The following TFAP2A variants were observed in gnomAD, a reference collection of about 807,000 sequenced individuals.
TFAP2A encodes transcription factor AP-2 alpha.
TFAP2A carries 7 observed loss-of-function variants against 41.5 expected under a neutral mutation model. That is an observed-to-expected ratio of 0.17 (90% CI 0.10 to 0.32). TFAP2A has a LOEUF of 0.32. TFAP2A is among the 10% of genes least tolerant of loss of function. TFAP2A has a pLI of 1.00. For synonymous variants in TFAP2A, 247 were observed against 242.8 expected, an observed-to-expected ratio of 1.02 and a Z score of -0.16; for missense variants, 416 against 563.3, an observed-to-expected ratio of 0.74 and a Z score of 2.65.
In TFAP2A at chr6:10,397,492, T is replaced by C. The variant is rs2763170; in HGVS notation, c.*925A>G. On this transcript the variant is annotated 3_prime_UTR_variant, in exon 7 of 7. Coordinates refer to ENST00000379613, the MANE Select transcript of TFAP2A (RefSeq NM_001372066.1). The stretch of plus-strand genomic sequence containing the variant: ...TTTTATTTTACTTTTTAAAAATTTG[T>C]CCAGCTGTTTGTCACCTTTAACATG... The C allele has an allele frequency of 6.6e-6, 1 of 152,194 alleles. No homozygotes were observed. The highest frequency in any genetic ancestry group is 2.4e-5 in the African/African-American group (1 of 41,534). The allele number at this position is 152,194 out of a possible 1,614,324, so 9.4% of individuals were successfully genotyped here.
At chr6:10,408,013 A>G (rs573333608) in intron 2 of TFAP2A, 1 of 152,370 alleles carries the variant, frequency 6.6e-6, no homozygotes, top group South Asian at 2.1e-4. Flanking sequence ...CCCATAAAGT[A>G]AATGTAGTGT....
chr6:10,414,402 T>G (rs1254171333), intron 1 of TFAP2A, among the ~76,000 whole-genome samples: 1 of 150,612 alleles, frequency 6.6e-6, no homozygotes, highest in East Asian at 1.9e-4. Context: ...CAGCGAAGTG[T>G]GGGGGGGCCG....
chr6:10,419,215 C>T (rs981138143), upstream of TFAP2A, among the ~76,000 whole-genome samples: 39 of 152,200 alleles, frequency 2.6e-4, no homozygotes, highest in Admixed American at 2.4e-3. Flanking sequence ...GCGCGCTTTG[C>T]GCCCAGCACC....
Position 10,398,448 on chromosome 6 carries a change from C to G in TFAP2A, c.1289G>C (p.Ser430Thr). The part of the protein sequence containing the change: ...PNSHTDNNAK[S>T]SDKEEKHRK ...TCTGTGCTTCTCCTCTTTGTCACTG[C>G]TTTTGGCGTTGTTGTCCGTGTGGCT... Residue 430 changes from serine to threonine, a missense_variant, in exon 7 of 7, where the codon AGC (serine) becomes ACC (threonine). By Grantham distance (58) the Ser-to-Thr change is moderately conservative (BLOSUM62 1). This residue lies in a region of TFAP2A where 116 missense variants were observed against 153.8 expected (regional missense o/e 0.75). Coordinates refer to ENST00000379613, the MANE Select transcript of TFAP2A (RefSeq NM_001372066.1). This position sits in a 1 kb window ranked among gnomAD's most constrained non-coding sequence, Gnocchi z 5.3. 6.2e-7 allele frequency: 1 copy of G among 1,614,192 alleles called. No homozygotes were observed. Among genetic ancestry groups the G allele is most frequent in the South Asian group, 1.1e-5 (1 of 91,072 alleles).
intron 3 of TFAP2A, 170 bp from the exon 4 acceptor site, chr6:10,404,909 C>T: frequency 1.5e-6 from 1 of 658,530 alleles, no homozygotes; most frequent in Non-Finnish European, 2.6e-6. Context: ...CTTCCTCGGG[C>T]TCGAGCCCTT....
chr6:10,411,757 G>T, intron 1 of TFAP2A: 1 of 1,485,038 alleles, frequency 6.7e-7, no homozygotes, highest in South Asian at 1.4e-5. Context: ...GAGCGCGGGA[G>T]CCCGGCTCGG....
chr6:10,409,674 A>G (rs1757863144), intron 2 of TFAP2A: 2 of 573,886 alleles, frequency 3.5e-6, no homozygotes, highest in South Asian at 2.1e-5. Context: ...ATGGTAATGC[A>G]GGCATTGTTT....
rs773291481 is a variant in TFAP2A at position 10,398,431 on chromosome 6, TCTC to T, written c.1303_1305del (p.Glu435del). Reference sequence around the variant, plus strand: ...GGAGGAGAGCCTCACTTTCTGTGCTTCTCCTCTTTGTCACTGCTTTTGGCGTTG... The same window carrying T: ...GGAGGAGAGCCTCACTTTCTGTGCTTCTCTTTGTCACTGCTTTTGGCGTTG... On this transcript the variant is annotated inframe_deletion, in exon 7 of 7. Coordinates refer to ENST00000379613, the MANE Select transcript of TFAP2A (RefSeq NM_001372066.1). This position sits in a 1 kb window ranked among gnomAD's most constrained non-coding sequence, Gnocchi z 5.3. 1.5e-5 allele frequency: 24 copies of T among 1,614,170 alleles called. No individual in the cohort carries two copies. Among genetic ancestry groups the T allele is most frequent in the Admixed American group, 1.7e-5 (1 of 60,030 alleles).
chr6:10,405,597 TAGA>T (rs1336487060), intron 3 of TFAP2A: 1 of 149,580 alleles, frequency 6.7e-6, no homozygotes. Context: ...AAAAAAAAAA[TAGA>T]AGACCTGCAG....
intron 1 of TFAP2A, chr6:10,414,704 G>A: frequency 1.5e-6 from 1 of 649,388 alleles, no homozygotes; most frequent in East Asian, 2.8e-5. Context: ...TGGTCAGAAA[G>A]GGGAGTAAAG....
intron 5 of TFAP2A, chr6:10,400,894 T>G (rs967180209): frequency 1.8e-6 from 1 of 561,928 alleles, no homozygotes; most frequent in Non-Finnish European, 3.4e-6. Flanking sequence ...TTAAAATGCT[T>G]CTTGTATTCC....
At chr6:10,409,368 G>A (rs1444169328) in intron 2 of TFAP2A, 1 of 153,836 alleles carries the variant, frequency 6.5e-6, no homozygotes, top group Non-Finnish European at 1.4e-5. Context: ...GCTTGGATTT[G>A]CTACTTAGTT....
At chr6:10,404,476 G>C in intron 4 of TFAP2A, 32 bp downstream of exon 4, 1 of 1,451,224 alleles carries the variant, frequency 6.9e-7, no homozygotes. Context: ...CCGGCCGCGG[G>C]GCGGGGCGGG....
At chr6:10,403,644 C>T (rs1012667792) in intron 4 of TFAP2A, among the ~76,000 whole-genome samples, 4 of 152,016 alleles carry the variant, frequency 2.6e-5, no homozygotes, top group African/African-American at 9.7e-5. Context: ...CAACACAAGC[C>T]CCACAACTCA....
At chr6:10,411,773 T>A in intron 1 of TFAP2A, 1 of 1,464,632 alleles carries the variant, frequency 6.8e-7, no homozygotes, top group Non-Finnish European at 9.0e-7. Context: ...CTCGGATCCA[T>A]CCGAACTTGA....
At chr6:10,399,918 CTCTG>C (rs1406505001) in intron 6 of TFAP2A, among the ~76,000 whole-genome samples, 4 of 149,990 alleles carry the variant, frequency 2.7e-5, no homozygotes, top group African/African-American at 5.0e-5. Context: ...CTCTCTCTCT[CTCTG>C]TCTGTGTGTG....
At chr6:10,407,500 C>CTTTTTTTTTTTT (rs1010909089) in intron 2 of TFAP2A, 1 of 124,164 alleles carries the variant, frequency 8.1e-6, no homozygotes, top group Non-Finnish European at 1.7e-5. Context: ...TTTTTCTTTT[C>CTTTTTTTTTTTT]TTTTTTTTTT....
rs1761827592 is a variant in TFAP2A, at chr6:10,397,727, T to C, written c.*690A>G. The C allele has an allele frequency of 5.5e-6, 2 of 360,936 alleles. No homozygotes were observed. The highest frequency in any genetic ancestry group is 2.2e-5 in the African/African-American group (1 of 44,968). 22.4% of individuals were successfully genotyped at this position (360,936 alleles called of 1,614,324 possible). ...TCCCATTAAATTACACATAAATAAA[T>C]ATATACAGAGACGTGAACACTGATT... On this transcript the variant is annotated 3_prime_UTR_variant, in exon 7 of 7. Transcript: ENST00000379613.
At chr6:10,403,401 CTG>C (rs1012700332) in intron 4 of TFAP2A, among the ~76,000 whole-genome samples, 1 of 152,162 alleles carries the variant, frequency 6.6e-6, no homozygotes, top group African/African-American at 2.4e-5. Context: ...AGGAAAAGAT[CTG>C]TGTCAGTGAA....
Sources: allele counts gnomAD v4.1 joint callset (sites outside exome capture counted in the v4.1 genomes callset), GRCh38; gene constraint gnomAD v4.1.1; regional missense constraint gnomAD v4.1.1; non-coding constraint Gnocchi (gnomAD v3.1); transcripts MANE v1.5; gene names NCBI Gene and HGNC (gene_info 2026-07-23, HGNC 2026-07-21).